The following NT5C2 variants were observed in gnomAD, a reference collection of about 807,000 sequenced individuals.
NT5C2 encodes 5'-nucleotidase, cytosolic II.
Under a neutral mutation model 76.1 loss-of-function variants are expected in NT5C2, and 58 were observed. That is an observed-to-expected ratio of 0.76 (90% CI 0.62 to 0.95). The LOEUF is 0.95. NT5C2 is among the 40% of genes least tolerant of loss of function. NT5C2 has a pLI of 0.00. For synonymous variants in NT5C2, 229 were observed against 237.4 expected (o/e 0.96, Z 0.32); for missense variants, 478 against 690.3 (o/e 0.69, Z 3.45).
chr10:103,189,832 C>T (rs2135525906), intron 1 of NT5C2, among the ~76,000 whole-genome samples: 1 of 150,418 alleles, frequency 6.6e-6, no homozygotes, highest in African/African-American at 2.4e-5. Flanking sequence ...TCACGCCCAG[C>T]TAATTTTTTA....
intron 3 of NT5C2, among the ~76,000 whole-genome samples, chr10:103,167,378 G>T (rs914164174): frequency 6.6e-6 from 1 of 151,866 alleles, no homozygotes; most frequent in African/African-American, 2.4e-5. Context: ...TATATTTTCC[G>T]CATGATTTTC....
chr10:103,110,523 T>C (rs1299810198), intron 4 of NT5C2, among the ~76,000 whole-genome samples: 2 of 152,098 alleles, frequency 1.3e-5, no homozygotes, highest in African/African-American at 4.8e-5. Context: ...AGTGAATTTC[T>C]AGATTACATA....
intron 1 of NT5C2, among the ~76,000 whole-genome samples, chr10:103,183,946 G>GA (rs1554842363): frequency 2.1e-5 from 3 of 139,614 alleles, no homozygotes; most frequent in Non-Finnish European, 4.7e-5. Context: ...TAAGTTTTTG[G>GA]TTTTTTTTTT....
chr10:103,101,150 AAC>A (rs2069522040), intron 7 of NT5C2, 48 bp from the exon 8 acceptor site: 1 of 1,464,172 alleles, frequency 6.8e-7, no homozygotes, highest in Non-Finnish European at 9.6e-7. Context: ...AAATAATTCA[AAC>A]TTATTTCATT....
chr10:103,159,826 A>G (rs2134046007), intron 3 of NT5C2, among the ~76,000 whole-genome samples: 1 of 152,320 alleles, frequency 6.6e-6, no homozygotes, highest in South Asian at 2.1e-4. Context: ...TAGGACAGCA[A>G]TACTTCTCAA....
At chr10:103,125,312 G>C in intron 4 of NT5C2, 1 of 479,202 alleles carries the variant, frequency 2.1e-6, no homozygotes, top group South Asian at 2.0e-5. Context: ...AAAAAAAAAA[G>C]ACAATGACTT....
At chr10:103,142,986 CAAA>C (rs371773086) in intron 3 of NT5C2, among the ~76,000 whole-genome samples, 8 of 50,340 alleles carry the variant, frequency 1.6e-4, no homozygotes, top group Admixed American at 1.9e-4. Flanking sequence ...AAGATTCCAT[CAAA>C]AAAAAAAAAA....
chr10:103,091,036 GA>G, intron 16 of NT5C2, 40 bp from the exon 17 acceptor site: 1 of 1,576,250 alleles, frequency 6.3e-7, no homozygotes, highest in Non-Finnish European at 8.7e-7. Context: ...TCTCTGGGAA[GA>G]GCTTTTTTTT....
At chr10:103,160,935 G>A (rs1437146949) in intron 3 of NT5C2, among the ~76,000 whole-genome samples, 2 of 151,822 alleles carry the variant, frequency 1.3e-5, no homozygotes, top group Admixed American at 6.6e-5. Flanking sequence ...ACTTGAACCC[G>A]GGAGGCAGAG....
chr10:103,100,874 G>T, intron 8 of NT5C2, 171 bp downstream of exon 8: 2 of 694,978 alleles, frequency 2.9e-6, no homozygotes, highest in Non-Finnish European at 5.3e-6. Context: ...GTGAGAGCCT[G>T]CATGGAGCTG....
rs1382732318 is a variant in NT5C2 at position 103,129,952 on chromosome 10, G to A, written c.175+9454C>T. On this transcript the variant is annotated intron_variant, in intron 4 of 18. Coordinates refer to ENST00000404739, the MANE Select transcript of NT5C2 (RefSeq NM_001351169.2). The stretch of plus-strand genomic sequence containing the variant: ...GTGGGGGGGGTCAGCCCCCCCGCCC[G>A]GCCAGCCGCCCTGTCCGGGAGGTGA... Among the ~76,000 whole-genome samples, 11 of 143,414 alleles carry A rather than the reference G, an allele frequency of 7.7e-5. No individual in the cohort carries two copies. In the East Asian group the frequency reaches 1.3e-3, roughly 17 times the overall value. The allele number at this position is 143,414 out of a possible 152,430, so 94.1% of individuals were successfully genotyped here.
intron 4 of NT5C2, among the ~76,000 whole-genome samples, chr10:103,131,703 T>C (rs975192105): frequency 7.9e-5 from 12 of 151,924 alleles, no homozygotes; most frequent in Admixed American, 3.9e-4. Flanking sequence ...GGTAGATCGC[T>C]TGAGCCCAGA....
chr10:103,101,021 A>C, intron 8 of NT5C2, 24 bp downstream of exon 8: 1 of 1,292,884 alleles, frequency 7.7e-7, no homozygotes, highest in Non-Finnish European at 1.1e-6. Flanking sequence ...CAATTGGAAA[A>C]AAATAATTAT....
At position 103,168,204 on chromosome 10, in the gene NT5C2, G is replaced by T. The variant is rs546988332; in HGVS notation, c.101+6654C>A. Among the ~76,000 whole-genome samples the T allele has an allele frequency of 1.6e-4, 24 of 151,734 alleles. No individual in the cohort carries two copies. The South Asian group carries it at 4.6e-3, about 29-fold the overall frequency. On this transcript the variant is annotated intron_variant, in intron 3 of 18. Transcript: ENST00000404739. ...TCACTGCAATATTTTCTAAAATAAG[G>T]CAAAAGACTGGTTAACAAAAAATTC...
At chr10:103,174,043 C>A (rs1483989628) in intron 3 of NT5C2, among the ~76,000 whole-genome samples, 1 of 149,254 alleles carries the variant, frequency 6.7e-6, no homozygotes, top group Non-Finnish European at 1.5e-5. Flanking sequence ...TTGCAGTGAG[C>A]TGAGATCATG....
intron 1 of NT5C2, among the ~76,000 whole-genome samples, chr10:103,185,406 G>A (rs2091885075): frequency 6.6e-6 from 1 of 151,622 alleles, no homozygotes; most frequent in African/African-American, 2.4e-5. Context: ...ACCACTCTGG[G>A]AGGCCAAGCC....
intron 2 of NT5C2, among the ~76,000 whole-genome samples, chr10:103,179,356 T>A (rs1374178492): frequency 1.3e-5 from 2 of 152,176 alleles, no homozygotes; most frequent in Admixed American, 1.3e-4. Context: ...TCAGGACCCC[T>A]TTCCAGTAAC....
At chr10:103,178,565 G>C (rs2090451661) in intron 2 of NT5C2, among the ~76,000 whole-genome samples, 1 of 152,008 alleles carries the variant, frequency 6.6e-6, no homozygotes, top group Non-Finnish European at 1.5e-5. Context: ...AAGACCTGTG[G>C]CTCATGCCTG....
rs543751315 is a variant in NT5C2 at position 103,149,678 on chromosome 10, A to C, written c.102-10199T>G. ...CATTCATAAAACACAGCAAAATTTC[A>C]GGGTTAAACTCTGTGAGATAGAAAT... On this transcript the variant is annotated intron_variant, in intron 3 of 18. Transcript: ENST00000404739. Among the ~76,000 whole-genome samples, 250 of 152,270 alleles carry C rather than the reference A, an allele frequency of 1.6e-3. 6 individuals are homozygous for C. In the South Asian group the frequency reaches 0.05, roughly 30 times the overall value.
Sources: gnomAD v4.1 joint callset for allele counts (sites outside exome capture counted in the v4.1 genomes callset) on GRCh38, gnomAD v4.1.1 for gene constraint, MANE v1.5 for transcripts, NCBI Gene and HGNC (gene_info 2026-07-23, HGNC 2026-07-21) for gene names.